The following MRPL30 variants were observed in gnomAD, a reference collection of about 807,000 sequenced individuals.
The protein encoded by MRPL30 is large ribosomal subunit protein uL30m.
In MRPL30, 10 loss-of-function variants were observed where a neutral mutation model predicts 17.2. The ratio of observed to expected loss-of-function variants is 0.58; its 90% confidence interval spans 0.36 to 0.99. MRPL30 has a LOEUF of 0.99. Among genes scored for constraint, MRPL30 ranks in the 50% least tolerant of loss-of-function variants. The pLI, the probability that MRPL30 is intolerant of heterozygous loss-of-function variation, is 0.01. For missense variants in MRPL30, 170 were observed against 189.8 expected (o/e 0.90, Z 0.61); for synonymous variants, 61 against 62.1 (o/e 0.98, Z 0.08).
chr2:99,183,073 G>C (rs2093928261), intron 1 of MRPL30, among the ~76,000 whole-genome samples: 1 of 152,164 alleles, frequency 6.6e-6, no homozygotes, highest in South Asian at 2.1e-4. Context: ...AATTGAAAAA[G>C]ATAAGGAAAT....
intron 2 of MRPL30, among the ~76,000 whole-genome samples, chr2:99,186,514 A>T (rs558499522): frequency 2.6e-5 from 4 of 151,876 alleles, no homozygotes; most frequent in East Asian, 1.9e-4. Context: ...TGTATTTTTC[A>T]TATAGTCGGG....
rs761445904 is a variant in MRPL30, at chr2:99,195,581, C to T, written c.362C>T (p.Pro121Leu). 6.2e-7 allele frequency: 1 copy of T among 1,604,074 alleles called. No individual in the cohort carries two copies. The highest frequency in any genetic ancestry group is 1.8e-5 in the Admixed American group (1 of 56,324). ...ATTTTCTTGTGTCACAGAATCAAGC[C>T]CTTGAAGTTGCCACAAGGACTTCCA... The part of the protein sequence containing the change: ...KVVKHLIRIK[P>L]LKLPQGLPAE... The change falls in exon 6 of 6, where the codon CCC (proline) becomes CTC (leucine). Residue 121 changes from proline to leucine, a missense_variant. Coordinates refer to ENST00000338148, the MANE Select transcript of MRPL30 (RefSeq NM_145212.4).
intron 3 of MRPL30, among the ~76,000 whole-genome samples, chr2:99,189,542 G>C (rs1401450874): frequency 2.0e-5 from 3 of 152,078 alleles, no homozygotes; most frequent in African/African-American, 7.2e-5. Context: ...ATTCATCTAT[G>C]GAAAAACATC....
intron 1 of MRPL30, among the ~76,000 whole-genome samples, chr2:99,184,882 T>G (rs1346138339): frequency 1.3e-5 from 2 of 152,212 alleles, no homozygotes; most frequent in Non-Finnish European, 2.9e-5. Context: ...CTTGCAGAAC[T>G]TGAATGAGCT....
intron 1 of MRPL30, among the ~76,000 whole-genome samples, chr2:99,182,030 G>A (rs2093923828): frequency 6.6e-6 from 1 of 151,976 alleles, no homozygotes; most frequent in Admixed American, 6.6e-5. Context: ...GGGGGGAGAA[G>A]GGGGAGGAAA....
Position 99,197,140 on chromosome 2 carries a change from C to G in MRPL30, c.*1435C>G, listed in dbSNP as rs1234290660. On this transcript the variant is annotated 3_prime_UTR_variant, in exon 6 of 6. Transcript: ENST00000338148. Reference sequence around the variant, plus strand: ...TCTCTCAGGGAGAATTATTTCCTTTCTTTTCTATTTTAGATACCTGGAGGG... The same window carrying G: ...TCTCTCAGGGAGAATTATTTCCTTTGTTTTCTATTTTAGATACCTGGAGGG... 3 of 152,146 alleles carry G rather than the reference C, an allele frequency of 2.0e-5. No individual in the cohort carries two copies. In the East Asian group the frequency reaches 5.8e-4, roughly 29 times the overall value. 9.4% of individuals were successfully genotyped at this position (152,146 alleles called of 1,614,324 possible). A position where few individuals can be genotyped will look rare whatever the true frequency, so the allele number is the denominator to read the frequency against.
chr2:99,189,113 C>G (rs2093939538), intron 3 of MRPL30, among the ~76,000 whole-genome samples: 1 of 152,156 alleles, frequency 6.6e-6, no homozygotes, highest in Admixed American at 6.5e-5. Flanking sequence ...TACAGTGTCC[C>G]CCACAACTGA....
At chr2:99,189,307 A>G (rs1490177701) in intron 3 of MRPL30, among the ~76,000 whole-genome samples, 1 of 152,128 alleles carries the variant, frequency 6.6e-6, no homozygotes, top group Non-Finnish European at 1.5e-5. Context: ...TATCCTTCCC[A>G]ACTCCTAACC....
At chr2:99,183,493 C>T (rs1386882773) in intron 1 of MRPL30, among the ~76,000 whole-genome samples, 1 of 151,040 alleles carries the variant, frequency 6.6e-6, no homozygotes, top group East Asian at 2.0e-4. Context: ...CGGTTGAACC[C>T]AGGAGGCGGA....
At chr2:99,185,474 C>A (rs1411320781) in intron 1 of MRPL30, among the ~76,000 whole-genome samples, 1 of 152,066 alleles carries the variant, frequency 6.6e-6, no homozygotes, top group African/African-American at 2.4e-5. Context: ...CCGAGATATA[C>A]ATGTAGTTCA....
At position 99,186,182 on chromosome 2, in the gene MRPL30, A is replaced by G. The variant is rs755497657; in HGVS notation, c.-22A>G. ...CTACTTCCTACTTCCCACAGCCTCT[A>G]AAGAGAGCAATCACTACACTTATGG... On this transcript the variant is annotated 5_prime_UTR_variant, in exon 2 of 6. Coordinates refer to ENST00000338148, the MANE Select transcript of MRPL30 (RefSeq NM_145212.4). The G allele has an allele frequency of 6.8e-6, 11 of 1,612,866 alleles. No homozygotes were observed. The East Asian group carries it at 2.2e-4, about 33-fold the overall frequency.
At chr2:99,190,113 A>G (rs983669719) in intron 3 of MRPL30, among the ~76,000 whole-genome samples, 1 of 152,176 alleles carries the variant, frequency 6.6e-6, no homozygotes, top group East Asian at 1.9e-4. Context: ...CAACAGAGCA[A>G]GATCCTGTCT....
In MRPL30 at chr2:99,184,211, G is replaced by A. The variant is rs149820825; in HGVS notation, c.-27-1966G>A. ...TCACTTTGACATACCCCATCGTTAT[G>A]TTTTTTCCAGTAGTTCCTTTCTAGC... On this transcript the variant is annotated intron_variant, in intron 1 of 5. Coordinates refer to ENST00000338148, the MANE Select transcript of MRPL30 (RefSeq NM_145212.4). Among the ~76,000 whole-genome samples, 53 of 152,210 alleles carry A rather than the reference G, an allele frequency of 3.5e-4. No individual in the cohort carries two copies. In the East Asian group the frequency reaches 9.6e-3, roughly 28 times the overall value.
chr2:99,181,476 G>T (rs1400871507), intron 1 of MRPL30, among the ~76,000 whole-genome samples: 1 of 152,130 alleles, frequency 6.6e-6, no homozygotes, highest in Admixed American at 6.6e-5. Flanking sequence ...GGCTTTTTGT[G>T]CCCAGACTCT....
At chr2:99,191,917 A>G (rs2093947022) in intron 3 of MRPL30, among the ~76,000 whole-genome samples, 1 of 151,958 alleles carries the variant, frequency 6.6e-6, no homozygotes, top group African/African-American at 2.4e-5. Context: ...GCTCCTTCAT[A>G]CTGTTCCTTT....
At chr2:99,194,727 C>A in intron 3 of MRPL30, 24 bp from the exon 4 acceptor site, 6 of 1,556,958 alleles carry the variant, frequency 3.9e-6, no homozygotes, top group Admixed American at 2.3e-5. Flanking sequence ...GGAAATTTAC[C>A]ATTTATAATT....
At position 99,198,162 on chromosome 2, in the gene MRPL30, A is replaced by G. The variant is rs931021230; in HGVS notation, c.*2457A>G. On this transcript the variant is annotated 3_prime_UTR_variant, in exon 6 of 6. Transcript: ENST00000338148. ...CATAGGCCAGCAGCATTAGCTTTCT[A>G]TTGCTGCAGAACAAATTACCACAAA... is the stretch of plus-strand genomic sequence containing the variant. 3.9e-5 allele frequency among the ~76,000 whole-genome samples: 6 copies of G among 152,236 alleles called. No homozygotes were observed. Among genetic ancestry groups the G allele is most frequent in the Admixed American group, 3.3e-4 (5 of 15,286 alleles).
rs1025554856 is a variant in MRPL30 at position 99,197,795 on chromosome 2, C to T, written c.*2090C>T. Among the ~76,000 whole-genome samples, 5 of 149,754 alleles carry T rather than the reference C, an allele frequency of 3.3e-5. No individual in the cohort carries two copies. Among genetic ancestry groups the T allele is most frequent in the Admixed American group, 2.0e-4 (3 of 14,780 alleles). On this transcript the variant is annotated 3_prime_UTR_variant, in exon 6 of 6. Coordinates refer to ENST00000338148, the MANE Select transcript of MRPL30 (RefSeq NM_145212.4). ...AGCTAGGACTACAGATACATGCCAC[C>T]GCTCCCGGCTAGTATTTTTTAAAAT...
At chr2:99,189,712 GT>G (rs1426082677) in intron 3 of MRPL30, among the ~76,000 whole-genome samples, 1 of 152,070 alleles carries the variant, frequency 6.6e-6, no homozygotes, top group East Asian at 1.9e-4. Context: ...TAAAGCCTGG[GT>G]TTTTTGTTTA....
Sources: gnomAD v4.1 joint callset for allele counts (sites outside exome capture counted in the v4.1 genomes callset) on GRCh38, gnomAD v4.1.1 for gene constraint, MANE v1.5 for transcripts, NCBI Gene and HGNC (gene_info 2026-07-23, HGNC 2026-07-21) for gene names.